Variants in ESRRG observed in about 807,000 individuals in gnomAD.
ESRRG encodes estrogen-related receptor gamma.
ESRRG carries 13 observed loss-of-function variants against 44.0 expected under a neutral mutation model. The observed-to-expected ratio is 0.30, with a 90% CI of 0.19 to 0.47. ESRRG has a LOEUF of 0.47. Among genes scored for constraint, ESRRG ranks in the 20% least tolerant of loss-of-function variants. The pLI, the probability that ESRRG is intolerant of heterozygous loss-of-function variation, is 1.00. For missense variants in ESRRG, 395 were observed against 580.6 expected (o/e 0.68, Z 3.29); for synonymous variants, 215 against 214.6 (o/e 1.00, Z -0.02).
intron 3 of ESRRG, among the ~76,000 whole-genome samples, chr1:216,643,710 T>C (rs574689653): frequency 6.6e-6 from 1 of 152,166 alleles, no homozygotes; most frequent in Non-Finnish European, 1.5e-5. Context: ...TATCTCTGAC[T>C]TCAGCAGTCC....
chr1:216,680,506 C>G (rs1451463902), intron 1 of ESRRG, among the ~76,000 whole-genome samples: 1 of 152,234 alleles, frequency 6.6e-6, no homozygotes, highest in Non-Finnish European at 1.5e-5. Flanking sequence ...ACTTTTATTT[C>G]TCAGCAATTA....
chr1:216,603,135 C>A (rs1000214891), intron 3 of ESRRG, among the ~76,000 whole-genome samples: 3 of 151,930 alleles, frequency 2.0e-5, no homozygotes, highest in Admixed American at 2.0e-4. Flanking sequence ...ACAAAAAATC[C>A]CATTTTAATG....
intron 1 of ESRRG, among the ~76,000 whole-genome samples, chr1:217,000,067 C>T (rs1039336773): frequency 2.0e-5 from 3 of 152,190 alleles, no homozygotes; most frequent in African/African-American, 7.2e-5. Context: ...CTATTTCATA[C>T]ATCTTTGCTT....
intron 5 of ESRRG, among the ~76,000 whole-genome samples, chr1:216,524,749 C>G (rs1055183846): frequency 6.6e-6 from 1 of 152,092 alleles, no homozygotes; most frequent in African/African-American, 2.4e-5. Context: ...TCAAACAAGA[C>G]AAGTACATAT....
chr1:217,090,542 G>A (rs1026584748), upstream of ESRRG: 3 of 152,200 alleles, frequency 2.0e-5, no homozygotes, highest in African/African-American at 7.2e-5. Context: ...TGCATTCCCG[G>A]TGTGTAGGCC....
intron 1 of ESRRG, among the ~76,000 whole-genome samples, chr1:217,034,511 G>A (rs915098467): frequency 1.1e-4 from 16 of 152,118 alleles, no homozygotes; most frequent in African/African-American, 3.6e-4. Context: ...GTAGTTCTGA[G>A]AACCACTGGC....
At chr1:216,726,738 A>G (rs1254733109), upstream of ESRRG, among the ~76,000 whole-genome samples, 1 of 152,142 alleles carries the variant, frequency 6.6e-6, no homozygotes, top group Non-Finnish European at 1.5e-5. Flanking sequence ...TGGTGTATGC[A>G]TAGTTTCAAT....
intron 2 of ESRRG, among the ~76,000 whole-genome samples, chr1:216,885,315 T>C (rs2096499241): frequency 6.6e-6 from 1 of 152,190 alleles, no homozygotes; most frequent in African/African-American, 2.4e-5. Context: ...AAATAGGATA[T>C]ATGTTCACTC....
intron 1 of ESRRG, among the ~76,000 whole-genome samples, chr1:216,706,139 C>T (rs769938149): frequency 3.9e-5 from 6 of 151,984 alleles, no homozygotes; most frequent in South Asian, 2.1e-4. Flanking sequence ...TGAAGGTTTC[C>T]GAAGCATTCT....
At position 217,123,749 on chromosome 1, in the gene ESRRG, G is replaced by C. The variant is rs184234502; in HGVS notation, c.-230+13918C>G. ...AGGGGAAAAACACACACTGGAGCCT[G>C]TTAGGGGAGAGTAGGGGGGCAGCAA... On this transcript the variant is annotated intron_variant, in intron 1 of 8. Coordinates refer to the ESRRG transcript ENST00000366940. Among the ~76,000 whole-genome samples the C allele has an allele frequency of 2.6e-3, 394 of 152,110 alleles. 1 individual carries two copies. Among genetic ancestry groups the C allele is most frequent in the African/African-American group, 9.1e-3 (378 of 41,438 alleles).
Position 216,989,452 on chromosome 1 carries a change from A to G in ESRRG, c.-105-49779T>C, listed in dbSNP as rs1221921859. Reference sequence around the variant, plus strand: ...CAAAAAAAAAAAAAAAAAAAAAAACACAGTGGGAGTGATTTATAAATTTAT... The same window carrying G: ...CAAAAAAAAAAAAAAAAAAAAAAACGCAGTGGGAGTGATTTATAAATTTAT... On this transcript the variant is annotated intron_variant, in intron 1 of 7. Coordinates refer to the ESRRG transcript ENST00000359162. Among the ~76,000 whole-genome samples, 3 of 140,138 alleles carry G rather than the reference A, an allele frequency of 2.1e-5. No homozygotes were observed. The East Asian group carries it at 6.5e-4, about 30-fold the overall frequency. The allele number at this position is 140,138 out of a possible 152,430, so 91.9% of individuals were successfully genotyped here.
chr1:216,790,359 T>G lies in ESRRG; in HGVS notation c.-13-112868A>C, dbSNP rs539261483. Among the ~76,000 whole-genome samples the G allele has an allele frequency of 1.4e-4, 21 of 152,250 alleles. 1 individual carries two copies. The East Asian group carries it at 1.9e-3, about 14-fold the overall frequency. On this transcript the variant is annotated intron_variant, in intron 2 of 7. Transcript: ENST00000359162. ...TTGAGCCCATTCCCCATCTGTAAAA[T>G]GGACACAATTATATTTGCTTTTTTT...
chr1:216,821,871 A>T (rs1441861421), intron 2 of ESRRG, among the ~76,000 whole-genome samples: 1 of 151,976 alleles, frequency 6.6e-6, no homozygotes, highest in Non-Finnish European at 1.5e-5. Flanking sequence ...ATTATAGTGC[A>T]GTGTCACACA....
chr1:216,886,945 C>G (rs1465101889), intron 2 of ESRRG, among the ~76,000 whole-genome samples: 1 of 151,910 alleles, frequency 6.6e-6, no homozygotes, highest in East Asian at 1.9e-4. Flanking sequence ...GCTATGTTGC[C>G]CAGGCTGGTC....
At chr1:216,537,994 C>G (rs1425098191) in intron 5 of ESRRG, among the ~76,000 whole-genome samples, 1 of 152,028 alleles carries the variant, frequency 6.6e-6, no homozygotes, top group Non-Finnish European at 1.5e-5. Context: ...GTGTGAAATG[C>G]CTTTTCCCTT....
intron 3 of ESRRG, among the ~76,000 whole-genome samples, chr1:216,626,062 C>T (rs1299648406): frequency 2.6e-5 from 4 of 152,182 alleles, no homozygotes; most frequent in African/African-American, 7.2e-5. Context: ...CTCAAAGCAC[C>T]TGATTTCTGC....
Position 216,677,801 on chromosome 1 carries a change from C to A in ESRRG, c.57-310G>T, listed in dbSNP as rs111545240. Among the ~76,000 whole-genome samples the A allele has an allele frequency of 1.9e-3, 286 of 152,236 alleles. 3 individuals carry two copies. Among genetic ancestry groups the A allele is most frequent in the African/African-American group, 6.4e-3 (267 of 41,534 alleles). On this transcript the variant is annotated intron_variant, in intron 1 of 6. Transcript: ENST00000408911. ...CCATAAACAAAAGCTCTAAAGAGTC[C>A]GATTGCTTTTATTTTACCTTTCTCT...
chr1:216,547,264 G>C (rs2054822258), intron 5 of ESRRG, among the ~76,000 whole-genome samples: 1 of 151,722 alleles, frequency 6.6e-6, no homozygotes, highest in Non-Finnish European at 1.5e-5. Context: ...TGATGATGAT[G>C]ATGATGATGA....
chr1:216,780,256 A>G (rs1359896816), intron 2 of ESRRG, among the ~76,000 whole-genome samples: 4 of 151,988 alleles, frequency 2.6e-5, no homozygotes, highest in African/African-American at 7.2e-5. Flanking sequence ...TTTAAAAACA[A>G]CAAAGCTGCT....
Sources: allele counts gnomAD v4.1 joint callset (sites outside exome capture counted in the v4.1 genomes callset), GRCh38; gene constraint gnomAD v4.1.1; transcripts MANE v1.5; gene names NCBI Gene and HGNC (gene_info 2026-07-23, HGNC 2026-07-21).